The following SMOC2 variants were observed in gnomAD, a reference collection of about 807,000 sequenced individuals.
The protein encoded by SMOC2 is SPARC related modular calcium binding 2, also known as SPARC-related modular calcium-binding protein 2.
A neutral mutation model predicts 61.4 loss-of-function variants in SMOC2; 39 were observed. The ratio of observed to expected loss-of-function variants is 0.64; its 90% confidence interval spans 0.49 to 0.83. The LOEUF (loss-of-function observed/expected upper bound fraction) is 0.83. SMOC2 is among the 40% of genes least tolerant of loss of function. The pLI is 0.00. For missense variants in SMOC2, 556 were observed against 592.9 expected (o/e 0.94, Z 0.65); for synonymous variants, 247 against 239.9 (o/e 1.03, Z -0.27).
chr6:168,594,110 A>G (rs1785249478), intron 7 of SMOC2, among the ~76,000 whole-genome samples: 1 of 26,780 alleles, frequency 3.7e-5, no homozygotes, highest in Admixed American at 3.2e-4. Context: ...AGGCCTCACG[A>G]GGGGCATCTT....
chr6:168,530,262 G>A (rs1321973832), intron 4 of SMOC2, among the ~76,000 whole-genome samples: 1 of 152,136 alleles, frequency 6.6e-6, no homozygotes. Flanking sequence ...TTCCTGGAGA[G>A]CAGAGAAAGC....
chr6:168,486,779 A>G (rs1782349685), intron 1 of SMOC2, among the ~76,000 whole-genome samples: 1 of 152,224 alleles, frequency 6.6e-6, no homozygotes, highest in African/African-American at 2.4e-5. Flanking sequence ...AACAAAACAT[A>G]TTCTTAGTTC....
intron 7 of SMOC2, among the ~76,000 whole-genome samples, chr6:168,554,939 G>T (rs1250344786): frequency 6.6e-6 from 1 of 152,228 alleles, no homozygotes; most frequent in Admixed American, 6.5e-5. Context: ...GCTCCCTCGG[G>T]CACGAGTTCT....
At chr6:168,556,838 A>G (rs1275005063) in intron 7 of SMOC2, among the ~76,000 whole-genome samples, 1 of 138,680 alleles carries the variant, frequency 7.2e-6, no homozygotes, top group African/African-American at 2.7e-5. Flanking sequence ...TGTGAGCTGG[A>G]GAGAACGTAG....
rs373510366 is a variant in SMOC2 at position 168,596,026 on chromosome 6, A to G, written c.638-2792A>G. 6.3e-5 allele frequency among the ~76,000 whole-genome samples: 8 copies of G among 126,668 alleles called. No homozygotes were observed. The East Asian group carries it at 1.8e-3, about 28-fold the overall frequency. The allele number at this position is 126,668 out of a possible 152,430, so 83.1% of individuals were successfully genotyped here. On this transcript the variant is annotated intron_variant, in intron 7 of 12. Coordinates refer to ENST00000356284, the MANE Select transcript of SMOC2 (RefSeq NM_001166412.2). ...TGAGTCTTCCTGGGTGCTGCTGGAGAGGCATGAACAAGCGCCACGTGAACA... is the reference window on the plus strand; with the variant it reads ...TGAGTCTTCCTGGGTGCTGCTGGAGGGGCATGAACAAGCGCCACGTGAACA...
At position 168,568,250 on chromosome 6, in the gene SMOC2, G is replaced by A. The variant is rs138655205; in HGVS notation, c.637+19047G>A. 3.0e-3 allele frequency among the ~76,000 whole-genome samples: 460 copies of A among 152,206 alleles called. 5 individuals carry two copies. Among genetic ancestry groups the A allele is most frequent in the Middle Eastern group, 0.01 (3 of 294 alleles). ...GGTGTCTCATATTAGCATTTAGCGCGTCTTCTCATGTCTTCTCCTCAGGGG... is the reference window on the plus strand; with the variant it reads ...GGTGTCTCATATTAGCATTTAGCGCATCTTCTCATGTCTTCTCCTCAGGGG... On this transcript the variant is annotated intron_variant, in intron 7 of 12. Coordinates refer to ENST00000356284, the MANE Select transcript of SMOC2 (RefSeq NM_001166412.2).
intron 11 of SMOC2, among the ~76,000 whole-genome samples, chr6:168,654,111 G>T (rs1787274965): frequency 1.0e-5 from 1 of 95,798 alleles, no homozygotes. Flanking sequence ...CTGTACCTGA[G>T]CTCCAACCAA....
rs1490680336 is a variant in SMOC2 at position 168,658,961 on chromosome 6, ATATGGTGTGTGTG to A, written c.1286-5098_1286-5086del. 6.8e-5 allele frequency among the ~76,000 whole-genome samples: 9 copies of A among 133,106 alleles called. No homozygotes were observed. The East Asian group carries it at 1.1e-3, about 16-fold the overall frequency. 87.3% of individuals were successfully genotyped at this position (133,106 alleles called of 152,430 possible). A position where few individuals can be genotyped will look rare whatever the true frequency, so the allele number is the denominator to read the frequency against. ...TGTGTGGTGTGTGTGGTGTGTGTGTATATGGTGTGTGTGTATGGTGTGTGTGTGTAAATATGGG... is the reference window on the plus strand; with the variant it reads ...TGTGTGGTGTGTGTGGTGTGTGTGTATATGGTGTGTGTGTGTAAATATGGG... On this transcript the variant is annotated intron_variant, in intron 11 of 12. Coordinates refer to ENST00000356284, the MANE Select transcript of SMOC2 (RefSeq NM_001166412.2).
intron 7 of SMOC2, among the ~76,000 whole-genome samples, chr6:168,554,200 A>G (rs1041447089): frequency 3.9e-5 from 6 of 152,204 alleles, no homozygotes; most frequent in Non-Finnish European, 7.3e-5. Context: ...GGCTGCCATC[A>G]TGTTGTTTTC....
intron 9 of SMOC2, among the ~76,000 whole-genome samples, chr6:168,645,358 TGG>T (rs1350048774): frequency 2.0e-5 from 3 of 152,146 alleles, no homozygotes; most frequent in Non-Finnish European, 2.9e-5. Context: ...ATTCTTAAAA[TGG>T]GGAGGAAGTG....
chr6:168,549,286 T>A, intron 7 of SMOC2, 83 bp downstream of exon 7: 1 of 1,300,272 alleles, frequency 7.7e-7, no homozygotes, highest in Non-Finnish European at 1.1e-6. Context: ...GAGTTAAGTG[T>A]ATTGTACAGT....
At chr6:168,599,416 ATAC>A (rs1562372694) in intron 8 of SMOC2, among the ~76,000 whole-genome samples, 5 of 87,368 alleles carry the variant, frequency 5.7e-5, no homozygotes, top group South Asian at 4.0e-4. Context: ...ACACACATTC[ATAC>A]CCCCCACACC....
At chr6:168,571,355 T>C (rs62422466) in intron 7 of SMOC2, among the ~76,000 whole-genome samples, 1 of 152,226 alleles carries the variant, frequency 6.6e-6, no homozygotes, top group Non-Finnish European at 1.5e-5. Context: ...TGTGCCGCCA[T>C]GCCTGTGCCG....
intron 11 of SMOC2, among the ~76,000 whole-genome samples, chr6:168,663,628 G>C (rs1451870531): frequency 6.6e-6 from 1 of 152,120 alleles, no homozygotes; most frequent in Non-Finnish European, 1.5e-5. Flanking sequence ...TCATGATCCA[G>C]TACTCATAAT....
chr6:168,443,559 C>T (rs558841522), intron 1 of SMOC2, among the ~76,000 whole-genome samples: 84 of 152,316 alleles, frequency 5.5e-4, no homozygotes, highest in African/African-American at 1.9e-3. Context: ...CACACTTCTT[C>T]TCACCCCACC....
In SMOC2 at chr6:168,526,387, C is replaced by G; in HGVS notation, c.298C>G (p.Gln100Glu). The stretch of plus-strand genomic sequence containing the variant: ...GGCCGAAAGGAAGTATACCCAGGAG[C>G]AAGCCCGGAAGGAGTTTCAGCAAGT... ...CVAERKYTQEQARKEFQQVFI... is the reference protein window; with the variant it reads ...CVAERKYTQEEARKEFQQVFI... The change falls in exon 3 of 13, where the codon CAA becomes GAA. Residue 100 changes from glutamine (Q) to glutamate (E), a missense_variant. Transcript: ENST00000356284. The G allele has an allele frequency of 6.2e-7, 1 of 1,614,218 alleles. No homozygotes were observed. Among genetic ancestry groups the G allele is most frequent in the Non-Finnish European group, 8.5e-7 (1 of 1,180,040 alleles).
In SMOC2 at chr6:168,653,151, C is replaced by G. The variant is rs747571265; in HGVS notation, c.1208C>G (p.Ser403Cys). The G allele has an allele frequency of 3.1e-6, 5 of 1,614,162 alleles. No homozygotes were observed. Among genetic ancestry groups the G allele is most frequent in the Non-Finnish European group, 4.2e-6 (5 of 1,180,040 alleles). ...TACTGTGACGTGAATAATGACAAAT[C>G]CATCTCCGTACAAGAACTGATGGGC... The part of the protein sequence containing the change: ...VEYCDVNNDK[S>C]ISVQELMGCL... Residue 403 changes from serine (S) to cysteine (C), a missense_variant, in exon 11 of 13, where the codon TCC (serine) becomes TGC (cysteine). Coordinates refer to ENST00000356284, the MANE Select transcript of SMOC2 (RefSeq NM_001166412.2).
At chr6:168,519,074 T>G (rs1032585380) in intron 2 of SMOC2, among the ~76,000 whole-genome samples, 9 of 151,338 alleles carry the variant, frequency 5.9e-5, no homozygotes, top group Admixed American at 6.6e-5. Context: ...TGTGAGTGTA[T>G]GTATGCGTGC....
At chr6:168,599,498 CCACTGACACTCACACA>C (rs1785456257) in intron 8 of SMOC2, among the ~76,000 whole-genome samples, 2 of 103,416 alleles carry the variant, frequency 1.9e-5, no homozygotes, top group Non-Finnish European at 3.8e-5. Flanking sequence ...CCCCACACAC[CCACTGACACTCACACA>C]CACACTCATA....
Sources: gnomAD v4.1 joint callset for allele counts (sites outside exome capture counted in the v4.1 genomes callset) on GRCh38, gnomAD v4.1.1 for gene constraint, MANE v1.5 for transcripts, NCBI Gene and HGNC (gene_info 2026-07-23, HGNC 2026-07-21) for gene names.